The following ITFG2 variants were observed in gnomAD, a reference collection of about 807,000 sequenced individuals.
ITFG2 encodes KICSTOR complex protein ITFG2.
A neutral mutation model predicts 54.4 loss-of-function variants in ITFG2; 36 were observed. That is an observed-to-expected ratio of 0.66 (90% CI 0.51 to 0.87). ITFG2 has a LOEUF of 0.87. Among genes scored for constraint, ITFG2 ranks in the 40% least tolerant of loss-of-function variants. ITFG2 has a pLI of 0.00. For missense variants in ITFG2, 524 were observed against 576.7 expected (o/e 0.91, Z 0.94); for synonymous variants, 211 against 225.4 (o/e 0.94, Z 0.57).
At chr12:2,840,588 C>T (rs1051643306) in intron 1 of ITFG2, among the ~76,000 whole-genome samples, 1 of 152,036 alleles carries the variant, frequency 6.6e-6, no homozygotes, top group Admixed American at 6.6e-5. Context: ...AGATTGAGAC[C>T]ATCCTGGCTA....
At chr12:2,813,647 A>G (rs2097914623) in intron 1 of ITFG2, among the ~76,000 whole-genome samples, 1 of 152,166 alleles carries the variant, frequency 6.6e-6, no homozygotes, top group Non-Finnish European at 1.5e-5. Context: ...CTTTTCATTT[A>G]TCATCTATTT....
In ITFG2 at chr12:2,846,465, G is replaced by A. The variant is rs139099786; in HGVS notation, n.300+5470G>A. 1.6e-4 allele frequency among the ~76,000 whole-genome samples: 25 copies of A among 152,194 alleles called. No homozygotes were observed. In the East Asian group the frequency reaches 4.1e-3, roughly 25 times the overall value. On this transcript the variant is annotated intron_variant and non_coding_transcript_variant, in intron 2 of 3. Transcript: ENST00000537710. ...TGGTAGCCCAGGCCTTGCAGTCCCCGCTCCAGCACACCCCTCCCGTCCTCT... is the reference window on the plus strand; with the variant it reads ...TGGTAGCCCAGGCCTTGCAGTCCCCACTCCAGCACACCCCTCCCGTCCTCT...
chr12:2,827,250 G>A (rs1410493845), downstream of ITFG2: 1 of 1,614,134 alleles, frequency 6.2e-7, no homozygotes, highest in Non-Finnish European at 8.5e-7. The surrounding 1 kb of genome is among the most constrained non-coding windows in gnomAD (Gnocchi z 4.0). Flanking sequence ...GGGTAGCTCT[G>A]AGAACGGGGC....
chr12:2,823,321 C>T (rs1242548237), intron 10 of ITFG2, among the ~76,000 whole-genome samples: 1 of 152,198 alleles, frequency 6.6e-6, no homozygotes, highest in African/African-American at 2.4e-5. Context: ...TCTCCTAGAG[C>T]ATTTTCATTA....
chr12:2,851,506 C>A (rs1412174704), intron 2 of ITFG2, among the ~76,000 whole-genome samples: 2 of 151,852 alleles, frequency 1.3e-5, no homozygotes, highest in African/African-American at 2.4e-5. Context: ...CCATGCCCGG[C>A]TAGTTTTTGT....
At chr12:2,835,314 C>T (rs1368769457), upstream of ITFG2, among the ~76,000 whole-genome samples, 4 of 152,122 alleles carry the variant, frequency 2.6e-5, no homozygotes, top group South Asian at 6.2e-4. Flanking sequence ...CACCTCCCAG[C>T]GTGTGTGGCC....
At chr12:2,820,269 G>A in intron 5 of ITFG2, 44 bp downstream of exon 5, 1 of 1,521,704 alleles carries the variant, frequency 6.6e-7, no homozygotes. Flanking sequence ...GGAGCTGGGA[G>A]GAAGGTCTCC....
chr12:2,818,388 G>T (rs2097929176), intron 4 of ITFG2, 111 bp downstream of exon 4: 7 of 1,538,074 alleles, frequency 4.6e-6, no homozygotes, highest in Non-Finnish European at 6.1e-6. Flanking sequence ...GTATGCATTT[G>T]TTATGTGCTG....
At chr12:2,820,909 C>A (rs752670394) in intron 6 of ITFG2, 37 bp downstream of exon 6, 20 of 1,603,530 alleles carry the variant, frequency 1.2e-5, no homozygotes, top group Non-Finnish European at 1.7e-5. Flanking sequence ...TGTGGGGGTG[C>A]ATGGAAGCAG....
intron 2 of ITFG2, chr12:2,854,912 G>A: frequency 1.4e-5 from 22 of 1,534,612 alleles, no homozygotes; most frequent in Non-Finnish European, 1.8e-5. Flanking sequence ...AAGCTCGCTG[G>A]CGGCTGGATG....
At chr12:2,846,762 C>CACACATAG (rs2098054468) in intron 2 of ITFG2, among the ~76,000 whole-genome samples, 1 of 151,690 alleles carries the variant, frequency 6.6e-6, no homozygotes, top group African/African-American at 2.4e-5. Context: ...CACACCCCGT[C>CACACATAG]ACACATAGAC....
Position 2,830,607 on chromosome 12 carries a change from C to T in ITFG2, c.*60-227C>T, listed in dbSNP as rs1272380276. 8.1e-6 allele frequency: 10 copies of T among 1,228,550 alleles called. No individual in the cohort carries two copies. The East Asian group carries it at 2.4e-4, about 30-fold the overall frequency. The allele number at this position is 1,228,550 out of a possible 1,614,324, so 76.1% of individuals were successfully genotyped here. ...GGCTAGGGAGAGAGGTGCCCTTTCT[C>T]CCTCCCTCCCTCTCCCATCAGGGCA... On this transcript the variant is annotated intron_variant and NMD_transcript_variant, in intron 2 of 2. Coordinates refer to the ITFG2 transcript ENST00000538822.
intron 1 of ITFG2, among the ~76,000 whole-genome samples, chr12:2,837,177 C>CA (rs1227332410): frequency 3.9e-5 from 6 of 151,960 alleles, no homozygotes; most frequent in African/African-American, 1.4e-4. Flanking sequence ...ACTAAAAATG[C>CA]AAAAAATTAG....
intron 1 of ITFG2, among the ~76,000 whole-genome samples, chr12:2,838,805 T>G (rs1374812440): frequency 6.6e-6 from 1 of 152,182 alleles, no homozygotes; most frequent in African/African-American, 2.4e-5. Flanking sequence ...TCCCCCAGAT[T>G]GCCAGAAGAG....
At chr12:2,828,002 A>T, downstream of ITFG2, 1 of 1,614,196 alleles carries the variant, frequency 6.2e-7, no homozygotes, top group South Asian at 1.1e-5. Flanking sequence ...TTGGGGGCCC[A>T]GGGGCCAGGT....
intron 2 of ITFG2, among the ~76,000 whole-genome samples, chr12:2,850,437 C>T (rs549055194): frequency 1.3e-4 from 19 of 142,958 alleles, no homozygotes; most frequent in African/African-American, 4.0e-4. Context: ...CAGATCATGC[C>T]ACTGCACTCC....
Position 2,821,760 on chromosome 12 carries a change from C to T in ITFG2, c.916C>T (p.Gln306Ter). 1 of 1,614,096 alleles carries T rather than the reference C, an allele frequency of 6.2e-7. No homozygotes were observed. Among genetic ancestry groups the T allele is most frequent in the South Asian group, 1.1e-5 (1 of 91,076 alleles). Residue 306 changes from glutamine (Q) to a stop codon, truncating the protein, a stop_gained, in exon 9 of 12, where the codon CAG becomes TAG. Transcript: ENST00000228799. LOFTEE classifies it high-confidence loss of function. ...KLLWSVQVDHQLFALEKLDVT... is the reference protein window; with the variant it reads ...KLLWSVQVDH ...GCTGTGGTCAGTGCAGGTGGATCAC[C>T]AGCTCTTTGCCCTGGAGAAACTGGA...
upstream of ITFG2, among the ~76,000 whole-genome samples, chr12:2,832,790 C>T (rs540115072): frequency 2.0e-5 from 3 of 149,772 alleles, no homozygotes; most frequent in African/African-American, 7.4e-5. Flanking sequence ...TGACTCTTCC[C>T]CCAGGCTCTA....
At chr12:2,817,855 A>C in intron 2 of ITFG2, 54 bp from the exon 3 acceptor site, 1 of 1,549,086 alleles carries the variant, frequency 6.5e-7, no homozygotes. Context: ...CACAGAGATC[A>C]GGGAGTACTG....
Sources: allele counts gnomAD v4.1 joint callset (sites outside exome capture counted in the v4.1 genomes callset), GRCh38; gene constraint gnomAD v4.1.1; non-coding constraint Gnocchi (gnomAD v3.1); transcripts MANE v1.5; gene names NCBI Gene and HGNC (gene_info 2026-07-23, HGNC 2026-07-21).